TMCC3: variants seen among roughly 807,000 people sequenced by gnomAD.
TMCC3 encodes transmembrane and coiled-coil domain protein 3.
TMCC3 carries 28 observed loss-of-function variants against 40.2 expected under a neutral mutation model. The observed-to-expected ratio is 0.70, with a 90% CI of 0.52 to 0.95. The LOEUF is 0.95. Ranked by LOEUF, TMCC3 falls within the 40% of genes least tolerant of loss-of-function variation. The pLI, the probability that TMCC3 is intolerant of heterozygous loss-of-function variation, is 0.00. For synonymous variants in TMCC3, 255 were observed against 248.5 expected (o/e 1.03, Z -0.25); for missense variants, 554 against 615.2 (o/e 0.90, Z 1.05).
Position 94,581,838 on chromosome 12 carries a change from C to T in TMCC3, c.779G>A (p.Gly260Asp), listed in dbSNP as rs371125051. The T allele has an allele frequency of 6.2e-7, 1 of 1,613,986 alleles. No individual in the cohort carries two copies. Among genetic ancestry groups the T allele is most frequent in the Non-Finnish European group, 8.5e-7 (1 of 1,179,838 alleles). Residue 260 changes from glycine (G) to aspartate (D), a missense_variant, in exon 2 of 4, where the codon GGC becomes GAC. Physicochemically the swap from Gly to Asp is moderately conservative, Grantham distance 94. Transcript: ENST00000261226. ...KYGSDDECSS[G>D]TSGSADSNGN... The stretch of plus-strand genomic sequence containing the variant: ...GTTACTGTCGGCCGAGCCTGACGTG[C>T]CACTCGAACATTCATCATCACTGCC...
In TMCC3 at chr12:94,590,903, G is replaced by A. The variant is rs952225649; in HGVS notation, c.79-8365C>T. 5.1e-6 allele frequency: 3 copies of A among 583,770 alleles called. No homozygotes were observed. The African/African-American group carries it at 5.6e-5, about 11-fold the overall frequency. 36.2% of individuals were successfully genotyped at this position (583,770 alleles called of 1,614,324 possible). A position where few individuals can be genotyped will look rare whatever the true frequency, so the allele number is the denominator to read the frequency against. On this transcript the variant is annotated intron_variant, in intron 1 of 3. Transcript: ENST00000261226. ...GTTATCGGGCTCAGCCTAGATGAGT[G>A]AGTTTATGTGAAAATGAGAAATGAC...
At chr12:94,586,695 A>C (rs2068640362) in intron 1 of TMCC3, among the ~76,000 whole-genome samples, 1 of 152,208 alleles carries the variant, frequency 6.6e-6, no homozygotes, top group Admixed American at 6.5e-5. Context: ...TGGTCATCCA[A>C]TTCTGAGTCT....
At chr12:94,621,931 A>G (rs1442477879) in intron 1 of TMCC3, among the ~76,000 whole-genome samples, 1 of 152,176 alleles carries the variant, frequency 6.6e-6, no homozygotes, top group Non-Finnish European at 1.5e-5. Context: ...TCCAACGTCA[A>G]CCTGCCCTCG....
At chr12:94,640,059 CAT>C (rs2068981366) in intron 1 of TMCC3, among the ~76,000 whole-genome samples, 1 of 152,208 alleles carries the variant, frequency 6.6e-6, no homozygotes, top group Non-Finnish European at 1.5e-5. Flanking sequence ...CATTAAATAA[CAT>C]AGAATCACAG....
At chr12:94,577,789 G>A (rs945763692) in intron 3 of TMCC3, among the ~76,000 whole-genome samples, 7 of 152,104 alleles carry the variant, frequency 4.6e-5, no homozygotes, top group African/African-American at 1.7e-4. Flanking sequence ...TACAGTTTTG[G>A]TGGTGATGGG....
rs1440946502 is a variant in TMCC3 at position 94,578,304 on chromosome 12, C to G, written c.1131+90G>C. 2.0e-6 allele frequency: 3 copies of G among 1,480,200 alleles called. No individual in the cohort carries two copies. In the African/African-American group the frequency reaches 4.2e-5, roughly 21 times the overall value. The allele number at this position is 1,480,200 out of a possible 1,614,324, so 91.7% of individuals were successfully genotyped here. ...TTTTGTGCCATGTGCCAGAAACCCTCTAGGACTTAGGCATAAACATTTAGA... is the reference window on the plus strand; with the variant it reads ...TTTTGTGCCATGTGCCAGAAACCCTGTAGGACTTAGGCATAAACATTTAGA... On this transcript the variant is annotated intron_variant, in intron 3 of 3. Coordinates refer to ENST00000261226, the MANE Select transcript of TMCC3 (RefSeq NM_020698.4).
chr12:94,577,848 A>G (rs1377508290), intron 3 of TMCC3, among the ~76,000 whole-genome samples: 6 of 152,142 alleles, frequency 3.9e-5, no homozygotes, highest in Admixed American at 1.3e-4. Flanking sequence ...CATAAAGTAT[A>G]AAGAATATTG....
chr12:94,573,636 T>C (rs913949862), intron 3 of TMCC3, among the ~76,000 whole-genome samples: 2 of 152,158 alleles, frequency 1.3e-5, no homozygotes, highest in Admixed American at 6.5e-5. Flanking sequence ...TAGGGTGCAA[T>C]GGCACAGTCA....
chr12:94,589,473 G>C (rs2068658907), intron 1 of TMCC3, among the ~76,000 whole-genome samples: 3 of 150,100 alleles, frequency 2.0e-5, no homozygotes, highest in South Asian at 4.1e-4. Context: ...ACTTCTAGGG[G>C]ACAGGGGAGT....
At chr12:94,591,428 A>G (rs1467421165) in intron 1 of TMCC3, among the ~76,000 whole-genome samples, 4 of 137,790 alleles carry the variant, frequency 2.9e-5, no homozygotes, top group Non-Finnish European at 4.7e-5. Context: ...TTAAATTAAA[A>G]TTGGTGTTTC....
At position 94,635,769 on chromosome 12, in the gene TMCC3, G is replaced by A. The variant is rs181707999; in HGVS notation, c.78+14584C>T. On this transcript the variant is annotated intron_variant, in intron 1 of 3. Coordinates refer to ENST00000261226, the MANE Select transcript of TMCC3 (RefSeq NM_020698.4). ...ACTGCAACCTCCGCCTCCCAGGTTCGAGCAATTCTGTCTCAGCCTTCCGAG... is the reference window on the plus strand; with the variant it reads ...ACTGCAACCTCCGCCTCCCAGGTTCAAGCAATTCTGTCTCAGCCTTCCGAG... Among the ~76,000 whole-genome samples the A allele has an allele frequency of 5.4e-5, 8 of 148,218 alleles. No individual in the cohort carries two copies. The East Asian group carries it at 8.2e-4, about 15-fold the overall frequency.
intron 1 of TMCC3, among the ~76,000 whole-genome samples, chr12:94,641,269 C>G (rs992350403): frequency 6.6e-6 from 1 of 151,914 alleles, no homozygotes; most frequent in Admixed American, 6.6e-5. Flanking sequence ...GAGGGAGCAG[C>G]TCAGGCATCT....
chr12:94,592,661 C>CAAAAAAAAAAA lies in TMCC3; in HGVS notation c.79-10134_79-10124dup, dbSNP rs869058316. Among the ~76,000 whole-genome samples, 227 of 27,492 alleles carry CAAAAAAAAAAA rather than the reference C, an allele frequency of 8.3e-3. 29 individuals are homozygous for CAAAAAAAAAAA. The highest frequency in any genetic ancestry group is 9.6e-3 in the African/African-American group (69 of 7,158). 18.0% of individuals were successfully genotyped at this position (27,492 alleles called of 152,430 possible). A position where few individuals can be genotyped will look rare whatever the true frequency, so the allele number is the denominator to read the frequency against. On this transcript the variant is annotated intron_variant, in intron 1 of 3. Transcript: ENST00000261226. ...TGAGCCTGGACAACAGGCTCCATCT[C>CAAAAAAAAAAA]AAAAAAAAAAAAAAAAAAAAAATTC...
chr12:94,647,433 T>C lies in TMCC3; in HGVS notation c.78+2920A>G, dbSNP rs149524525. Among the ~76,000 whole-genome samples the C allele has an allele frequency of 1.1e-4, 17 of 152,302 alleles. No homozygotes were observed. The East Asian group carries it at 2.9e-3, about 26-fold the overall frequency. ...AGTTTCCCTGTTATCTCAACAGGTA[T>C]TGATTTTGAATTTAAAAAATGACCA... On this transcript the variant is annotated intron_variant, in intron 1 of 3. Coordinates refer to ENST00000261226, the MANE Select transcript of TMCC3 (RefSeq NM_020698.4).
chr12:94,628,726 C>CT (rs1237862038), intron 1 of TMCC3, among the ~76,000 whole-genome samples: 1 of 152,152 alleles, frequency 6.6e-6, no homozygotes, highest in Admixed American at 6.5e-5. Context: ...TGCTAAGTCC[C>CT]TTGTGGGTTA....
intron 1 of TMCC3, among the ~76,000 whole-genome samples, chr12:94,592,375 C>T (rs1181404720): frequency 6.6e-6 from 1 of 151,898 alleles, no homozygotes; most frequent in Non-Finnish European, 1.5e-5. Context: ...CGCAGTGGCT[C>T]ACACTTGTAA....
At chr12:94,644,950 G>A (rs1022897563) in intron 1 of TMCC3, among the ~76,000 whole-genome samples, 3 of 152,184 alleles carry the variant, frequency 2.0e-5, no homozygotes, top group African/African-American at 2.4e-5. Flanking sequence ...TGGCACTCAC[G>A]CTTGACACAA....
chr12:94,609,655 C>T (rs2068803570), intron 1 of TMCC3: 1 of 152,158 alleles, frequency 6.6e-6, no homozygotes, highest in South Asian at 2.1e-4. Flanking sequence ...ACTTCAGTAA[C>T]TGAATAAAAT....
At chr12:94,578,134 C>T (rs933008796) in intron 3 of TMCC3, among the ~76,000 whole-genome samples, 4 of 92,542 alleles carry the variant, frequency 4.3e-5, no homozygotes, top group Non-Finnish European at 7.6e-5. Context: ...GGCCACAGAG[C>T]GAGACTCACC....
Sources: allele counts gnomAD v4.1 joint callset (sites outside exome capture counted in the v4.1 genomes callset), GRCh38; gene constraint gnomAD v4.1.1; transcripts MANE v1.5; gene names NCBI Gene and HGNC (gene_info 2026-07-23, HGNC 2026-07-21).